Variants in TTLL11 observed in about 807,000 individuals in gnomAD.
TTLL11 encodes tubulin polyglutamylase TTLL11.
In TTLL11, 42 loss-of-function variants were observed where a neutral mutation model predicts 51.7. The ratio of observed to expected loss-of-function variants is 0.81; its 90% CI spans 0.64 to 1.05. TTLL11 has a LOEUF of 1.05. Ranked by LOEUF, TTLL11 falls within the 50% of genes least tolerant of loss-of-function variation. The pLI, the probability that TTLL11 is intolerant of heterozygous loss-of-function variation, is 0.00. For missense variants in TTLL11, 799 were observed against 940.4 expected (o/e 0.85, Z 1.97); for synonymous variants, 381 against 383.5 (o/e 0.99, Z 0.08).
intron 6 of TTLL11, among the ~76,000 whole-genome samples, chr9:121,941,448 G>A (rs936043099): frequency 1.3e-5 from 2 of 152,202 alleles, no homozygotes; most frequent in African/African-American, 2.4e-5. Context: ...GCATTGACAC[G>A]TGTCTTAAAG....
chr9:121,931,737 G>A (rs902660433), intron 6 of TTLL11, among the ~76,000 whole-genome samples: 15 of 152,060 alleles, frequency 9.9e-5, no homozygotes, highest in Non-Finnish European at 1.9e-4. Context: ...CTCTCTGAGG[G>A]CCCTGTCCCA....
chr9:121,919,706 C>A (rs1374775990), intron 6 of TTLL11, among the ~76,000 whole-genome samples: 1 of 152,100 alleles, frequency 6.6e-6, no homozygotes, highest in African/African-American at 2.4e-5. Flanking sequence ...TAATACAGAG[C>A]ATGAGGTCCA....
intron 1 of TTLL11, among the ~76,000 whole-genome samples, chr9:122,065,119 C>T (rs986185521): frequency 6.6e-5 from 10 of 152,168 alleles, no homozygotes; most frequent in African/African-American, 2.4e-4. Context: ...GGTCCCATCC[C>T]TACTGGGAAA....
At chr9:121,984,228 A>T (rs1426102825) in intron 4 of TTLL11, among the ~76,000 whole-genome samples, 1 of 151,726 alleles carries the variant, frequency 6.6e-6, no homozygotes, top group South Asian at 2.1e-4. Context: ...TCCTTGGAAC[A>T]CTTGTGTTCC....
intron 6 of TTLL11, among the ~76,000 whole-genome samples, chr9:121,899,367 A>ATG (rs1839666653): frequency 2.4e-5 from 3 of 126,660 alleles, no homozygotes; most frequent in Admixed American, 8.3e-5. Context: ...GTGTGTGTGT[A>ATG]TATATATATA....
intron 6 of TTLL11, chr9:121,885,093 G>A (rs895645221): frequency 2.6e-5 from 4 of 152,112 alleles, no homozygotes; most frequent in South Asian, 2.1e-4. Flanking sequence ...CTTAGTCCTC[G>A]TGTAGCTTTG....
intron 8 of TTLL11, among the ~76,000 whole-genome samples, chr9:121,844,282 G>A (rs1837447875): frequency 6.6e-6 from 1 of 151,934 alleles, no homozygotes; most frequent in African/African-American, 2.4e-5. Context: ...GAAATACGAA[G>A]GCAATAGGGA....
At chr9:121,916,032 C>G (rs979205988) in intron 6 of TTLL11, among the ~76,000 whole-genome samples, 2 of 130,664 alleles carry the variant, frequency 1.5e-5, no homozygotes, top group African/African-American at 2.7e-5. Flanking sequence ...CACACACACA[C>G]ACTGAGGGGG....
intron 7 of TTLL11, among the ~76,000 whole-genome samples, chr9:121,865,495 A>G (rs1004333225): frequency 1.3e-5 from 2 of 152,202 alleles, no homozygotes; most frequent in African/African-American, 4.8e-5. Flanking sequence ...ATCACGAAAA[A>G]TGCAGCATAC....
intron 3 of TTLL11, among the ~76,000 whole-genome samples, chr9:121,994,376 GAAT>G (rs896128180): frequency 1.3e-5 from 2 of 152,114 alleles, no homozygotes; most frequent in African/African-American, 2.4e-5. Context: ...CCACCACCAC[GAAT>G]AATAATAATA....
At chr9:121,926,076 G>T (rs1006698605) in intron 6 of TTLL11, among the ~76,000 whole-genome samples, 1 of 152,210 alleles carries the variant, frequency 6.6e-6, no homozygotes, top group African/African-American at 2.4e-5. Context: ...AGTCTCTCGA[G>T]GGGTTTTTTA....
At chr9:121,879,332 GGA>G (rs1838687776) in intron 6 of TTLL11, among the ~76,000 whole-genome samples, 2 of 152,136 alleles carry the variant, frequency 1.3e-5, no homozygotes, top group African/African-American at 2.4e-5. Flanking sequence ...CTCCTTCTTG[GGA>G]AACTCTCATT....
At chr9:121,881,419 T>A (rs1333111795) in intron 6 of TTLL11, among the ~76,000 whole-genome samples, 1 of 152,256 alleles carries the variant, frequency 6.6e-6, no homozygotes, top group African/African-American at 2.4e-5. Context: ...GAGCACCCGA[T>A]GAACCCTTAT....
intron 7 of TTLL11, among the ~76,000 whole-genome samples, chr9:121,867,823 G>A (rs567519971): frequency 6.6e-6 from 1 of 152,260 alleles, no homozygotes; most frequent in East Asian, 1.9e-4. Flanking sequence ...ATTTGATGAT[G>A]TGTTCACTGC....
intron 8 of TTLL11, among the ~76,000 whole-genome samples, chr9:121,824,673 C>T (rs1297025418): frequency 6.6e-6 from 1 of 152,066 alleles, no homozygotes; most frequent in Non-Finnish European, 1.5e-5. Context: ...CCAAGTAAAA[C>T]TGGAACCCGG....
At chr9:121,855,090 G>A (rs374456355) in intron 8 of TTLL11, among the ~76,000 whole-genome samples, 1 of 152,094 alleles carries the variant, frequency 6.6e-6, no homozygotes, top group Non-Finnish European at 1.5e-5. Context: ...TTCCTTAGGT[G>A]GGGAGAGCCA....
At chr9:121,837,312 A>AATAGTAT (rs1554757880) in intron 8 of TTLL11, among the ~76,000 whole-genome samples, 1 of 151,280 alleles carries the variant, frequency 6.6e-6, no homozygotes, top group African/African-American at 2.4e-5. Context: ...TTATGGGTCA[A>AATAGTAT]GTATTATTTT....
chr9:121,854,975 A>G (rs925326244), intron 8 of TTLL11, among the ~76,000 whole-genome samples: 6 of 152,232 alleles, frequency 3.9e-5, no homozygotes, highest in Non-Finnish European at 7.3e-5. Flanking sequence ...AGCATAAGCT[A>G]CATGTTACTA....
intron 6 of TTLL11, among the ~76,000 whole-genome samples, chr9:121,961,203 C>A (rs1436505280): frequency 1.3e-5 from 2 of 152,126 alleles, no homozygotes; most frequent in African/African-American, 4.8e-5. Flanking sequence ...ACTCTTCCCA[C>A]TTTACCACCT....
Sources: allele counts gnomAD v4.1 joint callset (sites outside exome capture counted in the v4.1 genomes callset), GRCh38; gene constraint gnomAD v4.1.1; transcripts MANE v1.5; gene names NCBI Gene and HGNC (gene_info 2026-07-23, HGNC 2026-07-21).